Variants in CHD6 observed in about 807,000 individuals in gnomAD.
CHD6 encodes the protein chromodomain helicase DNA binding protein 6, also known as ATP-dependent chromatin remodeler CHD6.
Under a neutral mutation model 276.9 loss-of-function variants are expected in CHD6, and 50 were observed. That is an observed-to-expected ratio of 0.18 (90% CI 0.14 to 0.23). The LOEUF is 0.23. Ranked by LOEUF, CHD6 falls within the 10% of genes least tolerant of loss-of-function variation. The pLI is 1.00. For missense variants in CHD6, 2,564 were observed against 3,365.8 expected (o/e 0.76, Z 5.89); for synonymous variants, 1,173 against 1,229.3 (o/e 0.95, Z 0.96).
At chr20:41,584,921 AAGC>A (rs1261705382) in intron 1 of CHD6, among the ~76,000 whole-genome samples, 2 of 152,172 alleles carry the variant, frequency 1.3e-5, no homozygotes, top group Non-Finnish European at 2.9e-5. Flanking sequence ...AACCCAAAGG[AAGC>A]AGAAGAAATC....
rs554048078 is a variant in CHD6 at position 41,577,489 on chromosome 20, T to C, written c.-23-26129A>G. Among the ~76,000 whole-genome samples the C allele has an allele frequency of 7.9e-5, 12 of 152,338 alleles. No individual in the cohort carries two copies. In the South Asian group the frequency reaches 2.5e-3, roughly 32 times the overall value. ...TCTCCTATAGAATCTGGGGGCTATT[T>C]CTGCTCTAAGGTCAAGTAAAAAGAT... On this transcript the variant is annotated intron_variant, in intron 1 of 36. Coordinates refer to ENST00000373233, the MANE Select transcript of CHD6 (RefSeq NM_032221.5).
At chr20:41,601,550 C>T (rs769117314) in intron 1 of CHD6, among the ~76,000 whole-genome samples, 7 of 152,220 alleles carry the variant, frequency 4.6e-5, no homozygotes, top group Non-Finnish European at 1.0e-4. Context: ...ATTATGGGAT[C>T]TGCCAGGAAA....
At chr20:41,459,667 T>TA (rs946133405) in intron 17 of CHD6, among the ~76,000 whole-genome samples, 2 of 152,232 alleles carry the variant, frequency 1.3e-5, no homozygotes, top group Non-Finnish European at 2.9e-5. Flanking sequence ...CGCCGCCATG[T>TA]AAGAACAGCC....
chr20:41,417,782 T>G (rs1250833933), intron 31 of CHD6, among the ~76,000 whole-genome samples: 1 of 152,116 alleles, frequency 6.6e-6, no homozygotes, highest in Non-Finnish European at 1.5e-5. Context: ...TGAGAAAGGA[T>G]GAAAGTCATG....
intron 2 of CHD6, chr20:41,547,750 T>C: frequency 3.7e-6 from 2 of 546,634 alleles, no homozygotes; most frequent in Admixed American, 1.9e-5. Flanking sequence ...GATGAGATTG[T>C]CAACACTGCT....
chr20:41,574,843 C>T (rs1288359650), intron 1 of CHD6, among the ~76,000 whole-genome samples: 2 of 152,086 alleles, frequency 1.3e-5, no homozygotes, highest in African/African-American at 4.8e-5. Context: ...AACCTAAGGC[C>T]GATTCACGCC....
chr20:41,592,908 T>C (rs2045678570), intron 1 of CHD6, among the ~76,000 whole-genome samples: 1 of 152,074 alleles, frequency 6.6e-6, no homozygotes. Context: ...AAATCAAAGA[T>C]TTCCAGTTCT....
chr20:41,555,268 C>T (rs2045211660), intron 1 of CHD6, among the ~76,000 whole-genome samples: 1 of 134,158 alleles, frequency 7.5e-6, no homozygotes, highest in Admixed American at 7.4e-5. Flanking sequence ...GACGGGGCGG[C>T]TGGCCGGGCA....
chr20:41,563,675 G>C (rs143641335), intron 1 of CHD6, among the ~76,000 whole-genome samples: 1 of 152,344 alleles, frequency 6.6e-6, no homozygotes, highest in Non-Finnish European at 1.5e-5. Context: ...AACAGTAGAA[G>C]CAAGTGGCCA....
At chr20:41,596,539 G>C (rs570280145) in intron 1 of CHD6, among the ~76,000 whole-genome samples, 1 of 151,998 alleles carries the variant, frequency 6.6e-6, no homozygotes, top group Non-Finnish European at 1.5e-5. Flanking sequence ...CCCTGCAGCA[G>C]AACAAAAATT....
chr20:41,518,875 C>T (rs568704307), intron 3 of CHD6, among the ~76,000 whole-genome samples: 1 of 152,190 alleles, frequency 6.6e-6, no homozygotes, highest in South Asian at 2.1e-4. Context: ...TTTTAAAAAC[C>T]TTATGCTTGA....
rs143014790 is a variant in CHD6 at position 41,519,956 on chromosome 20, C to T, written c.555-5004G>A. Among the ~76,000 whole-genome samples the T allele has an allele frequency of 6.4e-3, 978 of 152,144 alleles. 11 individuals carry two copies. Among genetic ancestry groups the T allele is most frequent in the Middle Eastern group, 0.024 (7 of 292 alleles). The stretch of plus-strand genomic sequence containing the variant: ...AAGGGCTAATATCCAGAATCAGCAA[C>T]GAGCTCAAAACAAATTTGTAAGAAA... On this transcript the variant is annotated intron_variant, in intron 3 of 36. Transcript: ENST00000373233.
At chr20:41,608,867 T>C (rs940164353) in intron 1 of CHD6, among the ~76,000 whole-genome samples, 2 of 152,184 alleles carry the variant, frequency 1.3e-5, no homozygotes, top group Non-Finnish European at 2.9e-5. Flanking sequence ...AGAGTAAATA[T>C]GCAACACAGT....
At chr20:41,510,630 T>C (rs6102442) in intron 5 of CHD6, among the ~76,000 whole-genome samples, 53,730 of 152,156 alleles carry the variant, frequency 0.35, 12,311 homozygotes, top group African/African-American at 0.63. Context: ...CTTAATAAGA[T>C]ACATAACATT....
At chr20:41,443,817 CAT>C (rs1331155079) in intron 25 of CHD6, among the ~76,000 whole-genome samples, 1 of 152,186 alleles carries the variant, frequency 6.6e-6, no homozygotes, top group African/African-American at 2.4e-5. Flanking sequence ...GGTTCACTGT[CAT>C]ATTGGCCCCT....
intron 5 of CHD6, among the ~76,000 whole-genome samples, chr20:41,503,170 T>C (rs2043879200): frequency 6.6e-6 from 1 of 152,212 alleles, no homozygotes; most frequent in African/African-American, 2.4e-5. Flanking sequence ...ATAAATGGGA[T>C]TTAATAATTA....
At chr20:41,549,462 G>T (rs937797451) in intron 2 of CHD6, among the ~76,000 whole-genome samples, 3 of 130,550 alleles carry the variant, frequency 2.3e-5, no homozygotes, top group African/African-American at 8.9e-5. Flanking sequence ...ATGGACACAG[G>T]AAGGGGAACA....
At chr20:41,409,621 C>T (rs957572446) in intron 36 of CHD6, among the ~76,000 whole-genome samples, 12 of 152,244 alleles carry the variant, frequency 7.9e-5, no homozygotes, top group Middle Eastern at 6.8e-3. Flanking sequence ...CAAAATGCGA[C>T]GTGTGGCTCT....
intron 1 of CHD6, among the ~76,000 whole-genome samples, chr20:41,614,204 T>C (rs1021550896): frequency 1.3e-5 from 2 of 152,120 alleles, no homozygotes; most frequent in African/African-American, 4.8e-5. Context: ...ATTTAGAAAA[T>C]TCAAATATGC....
Sources: allele counts gnomAD v4.1 joint callset (sites outside exome capture counted in the v4.1 genomes callset), GRCh38; gene constraint gnomAD v4.1.1; transcripts MANE v1.5; gene names NCBI Gene and HGNC (gene_info 2026-07-23, HGNC 2026-07-21).